The following EEF1E1 variants were observed in gnomAD, a reference collection of about 807,000 sequenced individuals.
EEF1E1 encodes eukaryotic translation elongation factor 1 epsilon-1.
A neutral mutation model predicts 19.9 loss-of-function variants in EEF1E1; 19 were observed. That is an observed-to-expected ratio of 0.95 (90% CI 0.66 to 1.40). The LOEUF (loss-of-function observed/expected upper bound fraction) is 1.40, where lower values mean the gene tolerates loss of function less well. EEF1E1 is among the 40% of genes most tolerant of loss of function. EEF1E1 has a pLI of 0.00. For synonymous variants in EEF1E1, 81 were observed against 80.0 expected (o/e 1.01, Z -0.07); for missense variants, 198 against 202.2 (o/e 0.98, Z 0.13).
At chr6:8,087,497 C>G (rs1384774324) in intron 3 of EEF1E1, among the ~76,000 whole-genome samples, 2 of 151,226 alleles carry the variant, frequency 1.3e-5, no homozygotes, top group Non-Finnish European at 3.0e-5. Context: ...GGATTACAGG[C>G]GTGAGCCACC....
downstream of EEF1E1, among the ~76,000 whole-genome samples, chr6:8,077,006 C>T (rs1219441617): frequency 3.0e-5 from 4 of 132,962 alleles, no homozygotes; most frequent in Non-Finnish European, 4.8e-5. Flanking sequence ...GCAGTGGCAG[C>T]GATCTCGGCT....
Position 8,079,516 on chromosome 6 carries a change from G to A in EEF1E1, c.*374C>T, listed in dbSNP as rs776024619. On this transcript the variant is annotated 3_prime_UTR_variant, in exon 4 of 4. Coordinates refer to ENST00000379715, the MANE Select transcript of EEF1E1 (RefSeq NM_004280.5). ...AACAAACTACCATAAATATCCATAAGGGGAAAATGAATTTTAGAATATGAA... is the reference window on the plus strand; with the variant it reads ...AACAAACTACCATAAATATCCATAAAGGGAAAATGAATTTTAGAATATGAA... 3.9e-5 allele frequency: 39 copies of A among 995,074 alleles called. No homozygotes were observed. The highest frequency in any genetic ancestry group is 1.7e-4 in the Admixed American group (3 of 17,350). 61.6% of individuals were successfully genotyped at this position (995,074 alleles called of 1,614,324 possible).
chr6:8,101,054 G>A (rs1269511749), intron 1 of EEF1E1, among the ~76,000 whole-genome samples: 40 of 147,994 alleles, frequency 2.7e-4, no homozygotes, highest in Non-Finnish European at 1.5e-5. Flanking sequence ...GGTGCAACCC[G>A]GTCTCTACTA....
In EEF1E1 at chr6:8,079,540, A is replaced by G. The variant is rs951278874; in HGVS notation, c.*350T>C. The G allele has an allele frequency of 7.0e-6, 7 of 1,006,970 alleles. No homozygotes were observed. The African/African-American group carries it at 1.2e-4, about 17-fold the overall frequency. The allele number at this position is 1,006,970 out of a possible 1,614,324, so 62.4% of individuals were successfully genotyped here. A position where few individuals can be genotyped will look rare whatever the true frequency, so the allele number is the denominator to read the frequency against. On this transcript the variant is annotated 3_prime_UTR_variant, in exon 4 of 4. Coordinates refer to ENST00000379715, the MANE Select transcript of EEF1E1 (RefSeq NM_004280.5). ...AGGGGAAAATGAATTTTAGAATATG[A>G]AAGAGAGGTTAATAAATAGCCAAAT...
At chr6:8,095,542 G>T in intron 2 of EEF1E1, 1 of 175,956 alleles carries the variant, frequency 5.7e-6, no homozygotes, top group Non-Finnish European at 1.2e-5. Context: ...AAACCAACAG[G>T]TTACCATGCC....
chr6:8,095,782 A>G (rs2113662554), intron 2 of EEF1E1, among the ~76,000 whole-genome samples: 1 of 152,288 alleles, frequency 6.6e-6, no homozygotes, highest in East Asian at 1.9e-4. Context: ...TAAAAACAAT[A>G]CTGTCTTAAA....
At chr6:8,082,419 A>G (rs937338970) in intron 3 of EEF1E1, among the ~76,000 whole-genome samples, 7 of 152,174 alleles carry the variant, frequency 4.6e-5, no homozygotes, top group African/African-American at 1.7e-4. Flanking sequence ...CTGGGACTAC[A>G]GTCACATACC....
In EEF1E1 at chr6:8,102,362, C is replaced by T. The variant is rs867124539; in HGVS notation, c.87+73G>A. Reference sequence around the variant, plus strand: ...ACTCCGCCCGTATCTGGTGGCCGGCCCGGGTCCTGCCAGGGCTCGGCAGGC... The same window carrying T: ...ACTCCGCCCGTATCTGGTGGCCGGCTCGGGTCCTGCCAGGGCTCGGCAGGC... On this transcript the variant is annotated intron_variant, in intron 1 of 3. Coordinates refer to ENST00000379715, the MANE Select transcript of EEF1E1 (RefSeq NM_004280.5). 4 of 1,467,018 alleles carry T rather than the reference C, an allele frequency of 2.7e-6. No individual in the cohort carries two copies. The Middle Eastern group carries it at 7.2e-4, about 263-fold the overall frequency. The allele number at this position is 1,467,018 out of a possible 1,614,324, so 90.9% of individuals were successfully genotyped here.
chr6:8,082,964 C>T (rs927636378), intron 3 of EEF1E1, among the ~76,000 whole-genome samples: 9 of 152,342 alleles, frequency 5.9e-5, no homozygotes, highest in South Asian at 2.1e-4. Flanking sequence ...TCCACCATCC[C>T]TTTCTAGCTC....
chr6:8,094,023 T>A (rs1758097140), intron 2 of EEF1E1, among the ~76,000 whole-genome samples: 1 of 152,034 alleles, frequency 6.6e-6, no homozygotes, highest in Non-Finnish European at 1.5e-5. Context: ...GATCTCGGAC[T>A]CCTAACCTCA....
At chr6:8,097,101 T>C (rs1581474510) in intron 2 of EEF1E1, among the ~76,000 whole-genome samples, 166 bp downstream of exon 2, 1 of 152,014 alleles carries the variant, frequency 6.6e-6, no homozygotes. Flanking sequence ...GAGGGGCTGG[T>C]GGGGGGAACA....
At chr6:8,084,027 C>A (rs1292596591) in intron 3 of EEF1E1, among the ~76,000 whole-genome samples, 1 of 152,282 alleles carries the variant, frequency 6.6e-6, no homozygotes. Flanking sequence ...ACTTTGCCTG[C>A]ACTTGGACTA....
In EEF1E1 at chr6:8,097,262, G is replaced by C. The variant is rs750225309; in HGVS notation, c.288+5C>G. 1 of 1,613,540 alleles carries C rather than the reference G, an allele frequency of 6.2e-7. No individual in the cohort carries two copies. Among genetic ancestry groups the C allele is most frequent in the Non-Finnish European group, 8.5e-7 (1 of 1,179,514 alleles). The stretch of plus-strand genomic sequence containing the variant: ...CATTTCAGCCTATAAGAGAAGTCAC[G>C]ATACCTTCAACAGTGTGTGGATGTC... On this transcript the variant is annotated splice_donor_5th_base_variant and intron_variant, in intron 2 of 3. Coordinates refer to ENST00000379715, the MANE Select transcript of EEF1E1 (RefSeq NM_004280.5).
chr6:8,082,324 C>T (rs1193478118), intron 3 of EEF1E1, among the ~76,000 whole-genome samples: 2 of 152,172 alleles, frequency 1.3e-5, no homozygotes, highest in Non-Finnish European at 2.9e-5. Context: ...GTTGCCCAGA[C>T]TGGAGGGCAG....
downstream of EEF1E1, among the ~76,000 whole-genome samples, chr6:8,075,925 C>CTAGGAAT (rs113867257): frequency 1.8e-3 from 277 of 152,302 alleles, 3 homozygotes; most frequent in African/African-American, 6.4e-3. Flanking sequence ...AGCATCATCA[C>CTAGGAAT]TAGGAATAAA....
At chr6:8,099,041 T>C (rs1361699591) in intron 1 of EEF1E1, among the ~76,000 whole-genome samples, 2 of 152,244 alleles carry the variant, frequency 1.3e-5, no homozygotes, top group African/African-American at 4.8e-5. Flanking sequence ...GAGCCAGGGT[T>C]TGAATAAAGT....
intron 2 of EEF1E1, among the ~76,000 whole-genome samples, chr6:8,092,250 T>C (rs1300253233): frequency 1.3e-5 from 2 of 152,176 alleles, no homozygotes; most frequent in Non-Finnish European, 2.9e-5. Context: ...CATCCCAAAG[T>C]ATCTGGAATA....
rs1235129160 is a variant in EEF1E1, at chr6:8,093,322, T to TC, written c.289-3042dup. On this transcript the variant is annotated intron_variant, in intron 2 of 3. Coordinates refer to ENST00000379715, the MANE Select transcript of EEF1E1 (RefSeq NM_004280.5). Reference sequence around the variant, plus strand: ...GAACTAATTATGTCTGACATTCGCTTCCTTTTTTTTTTTTTTTTTTTACAA... The same window carrying TC: ...GAACTAATTATGTCTGACATTCGCTTCCCTTTTTTTTTTTTTTTTTTTACAA... Among the ~76,000 whole-genome samples, 4 of 113,782 alleles carry TC rather than the reference T, an allele frequency of 3.5e-5. No individual in the cohort carries two copies. In the East Asian group the frequency reaches 9.2e-4, roughly 26 times the overall value. 74.6% of individuals were successfully genotyped at this position (113,782 alleles called of 152,430 possible).
chr6:8,078,344 C>T, downstream of EEF1E1: 1 of 158,104 alleles, frequency 6.3e-6, no homozygotes, highest in Non-Finnish European at 1.4e-5. Context: ...GTCAGTGGAG[C>T]AGTCAGAACA....
Sources: allele counts gnomAD v4.1 joint callset (sites outside exome capture counted in the v4.1 genomes callset), GRCh38; gene constraint gnomAD v4.1.1; transcripts MANE v1.5; gene names NCBI Gene and HGNC (gene_info 2026-07-23, HGNC 2026-07-21).